The following PPP1CC variants were observed in gnomAD, a reference collection of about 807,000 sequenced individuals.
PPP1CC encodes serine/threonine-protein phosphatase PP1-gamma catalytic subunit.
PPP1CC carries 16 observed loss-of-function variants against 38.4 expected under a neutral mutation model. That is an observed-to-expected ratio of 0.42 (90% CI 0.28 to 0.63). PPP1CC has a LOEUF of 0.63. PPP1CC is among the 30% of genes least tolerant of loss of function. The pLI, the probability that PPP1CC is intolerant of heterozygous loss-of-function variation, is 0.25. For missense variants in PPP1CC, 170 were observed against 391.3 expected (o/e 0.43, Z 4.77); for synonymous variants, 158 against 136.0 (o/e 1.16, Z -1.13).
chr12:110,739,304 T>A lies in PPP1CC; in HGVS notation c.55+3349A>T, dbSNP rs1259994752. ...GCCTGGGTGACAGAGTGAGACTCTG[T>A]CTCCAAAATAAAATAAAAAAATAAA... On this transcript the variant is annotated intron_variant, in intron 1 of 6. Transcript: ENST00000335007. Among the ~76,000 whole-genome samples, 13 of 151,516 alleles carry A rather than the reference T, an allele frequency of 8.6e-5. No individual in the cohort carries two copies. The East Asian group carries it at 2.3e-3, about 27-fold the overall frequency.
At chr12:110,718,371 A>C (rs1316478128), downstream of PPP1CC, among the ~76,000 whole-genome samples, 1 of 152,232 alleles carries the variant, frequency 6.6e-6, no homozygotes, top group East Asian at 1.9e-4. Context: ...CTTGACAAAA[A>C]CAAAACCAAA....
At position 110,722,183 on chromosome 12, in the gene PPP1CC, A is replaced by G; in HGVS notation, c.834T>C (p.Asn278=). The change falls in exon 6 of 7, where the codon AAT becomes AAC. Residue 278 remains asparagine, a synonymous_variant. Coordinates refer to ENST00000335007, the MANE Select transcript of PPP1CC (RefSeq NM_002710.4). The surrounding 1 kb of genome is among the most constrained non-coding windows in gnomAD (Gnocchi z 5.4). ...SAPNYCGEFD[N]AGAMMSVDET... ...CATCCACACTCATCATGGCACCTGC[A>G]TTGTCAAACTCTCCGCAATAATTGG... 6.2e-7 allele frequency: 1 copy of G among 1,614,212 alleles called. No individual in the cohort carries two copies. Among genetic ancestry groups the G allele is most frequent in the Non-Finnish European group, 8.5e-7 (1 of 1,180,016 alleles).
rs769713759 is a variant in PPP1CC at position 110,730,512 on chromosome 12, T to TA, written c.418+16dup. ...TTAATTTCAATAACTCTTCCTTAGA[T>TA]ATAGAAAAGTACTTACATTCATCAT... On this transcript the variant is annotated intron_variant, in intron 3 of 6. Coordinates refer to ENST00000335007, the MANE Select transcript of PPP1CC (RefSeq NM_002710.4). 4.6e-6 allele frequency: 7 copies of TA among 1,522,818 alleles called. No homozygotes were observed. The highest frequency in any genetic ancestry group is 6.3e-6 in the Non-Finnish European group (7 of 1,110,836). The allele number at this position is 1,522,818 out of a possible 1,614,324, so 94.3% of individuals were successfully genotyped here.
intron 1 of PPP1CC, chr12:110,732,247 C>T: frequency 2.7e-6 from 1 of 374,924 alleles, no homozygotes; most frequent in Non-Finnish European, 4.8e-6. Context: ...ATGATGAGGT[C>T]AAGAGATCCA....
intron 3 of PPP1CC, among the ~76,000 whole-genome samples, chr12:110,727,976 C>T (rs1005927539): frequency 4.6e-5 from 7 of 152,104 alleles, no homozygotes; most frequent in African/African-American, 1.7e-4. Flanking sequence ...AAGTAGAAAC[C>T]GAAACTGATG....
chr12:110,738,922 C>T (rs958338490), intron 1 of PPP1CC, among the ~76,000 whole-genome samples: 5 of 152,182 alleles, frequency 3.3e-5, no homozygotes, highest in African/African-American at 1.2e-4. Context: ...GACCAACATA[C>T]TGATGGGAAA....
chr12:110,711,925 CAAACAACAACAACA>C, the PPP1CC span, among the ~76,000 whole-genome samples: 2 of 150,714 alleles, frequency 1.3e-5, no homozygotes, highest in Non-Finnish European at 2.9e-5. Context: ...AACTCTGTCT[CAAACAACAACAACA>C]AAACAACAAC....
the PPP1CC span, among the ~76,000 whole-genome samples, chr12:110,709,122 A>G: frequency 6.6e-6 from 1 of 152,206 alleles, no homozygotes; most frequent in Non-Finnish European, 1.5e-5. Flanking sequence ...AGAATGGCAA[A>G]ACCCCCCACA....
At chr12:110,727,631 A>T (rs1376259828) in intron 3 of PPP1CC, among the ~76,000 whole-genome samples, 1 of 152,246 alleles carries the variant, frequency 6.6e-6, no homozygotes, top group East Asian at 1.9e-4. Flanking sequence ...AAAAAAAAGA[A>T]ATGGTAGTAT....
intron 3 of PPP1CC, 97 bp downstream of exon 3, chr12:110,730,432 C>G (rs528774131): frequency 9.8e-7 from 1 of 1,022,986 alleles, no homozygotes; most frequent in South Asian, 1.6e-5. Context: ...ACCACTGCAT[C>G]TAAACTCTCA....
downstream of PPP1CC, among the ~76,000 whole-genome samples, chr12:110,715,300 A>T (rs1167157973): frequency 6.6e-6 from 1 of 152,164 alleles, no homozygotes; most frequent in Admixed American, 6.5e-5. Context: ...TGTTTGGAAC[A>T]CAAGAATGAA....
At chr12:110,709,366 T>C in the PPP1CC span, among the ~76,000 whole-genome samples, 1 of 151,904 alleles carries the variant, frequency 6.6e-6, no homozygotes, top group East Asian at 1.9e-4. Flanking sequence ...GTAGCTGGGA[T>C]TACAGGCATG....
Position 110,730,647 on chromosome 12 carries a change from T to C in PPP1CC, c.300A>G (p.Ser100=), listed in dbSNP as rs771360334. The C allele has an allele frequency of 9.3e-6, 15 of 1,614,060 alleles. No individual in the cohort carries two copies. Among genetic ancestry groups the C allele is most frequent in the Middle Eastern group, 1.6e-4 (1 of 6,084 alleles). ...LGDYVDRGKQ[S]LETICLLLAY... is the part of the protein sequence containing the mutation. ...CCAGTAAGAGGCAGATCGTCTCCAA[T>C]GACTGCTTTCCCCTGTCCACATAGT... The change falls in exon 3 of 7, where the codon TCA becomes TCG. Residue 100 remains serine (S), a synonymous_variant. Transcript: ENST00000335007.
chr12:110,741,531 T>A (rs940929383), intron 1 of PPP1CC, among the ~76,000 whole-genome samples: 1 of 152,172 alleles, frequency 6.6e-6, no homozygotes, highest in Admixed American at 6.5e-5. Context: ...CATTTCAGCT[T>A]CCGTCTTTAA....
the PPP1CC span, among the ~76,000 whole-genome samples, chr12:110,712,689 G>C: frequency 8.1e-6 from 1 of 123,654 alleles, no homozygotes; most frequent in Non-Finnish European, 1.7e-5. Flanking sequence ...AAATCCCCTT[G>C]ATGAAAAACC....
At chr12:110,737,091 A>G (rs1046262974) in intron 1 of PPP1CC, among the ~76,000 whole-genome samples, 14 of 152,260 alleles carry the variant, frequency 9.2e-5, no homozygotes, top group Admixed American at 2.6e-4. Flanking sequence ...GACTCAAACC[A>G]AAACAAAAAA....
At chr12:110,732,192 C>A in intron 1 of PPP1CC, 1 of 483,002 alleles carries the variant, frequency 2.1e-6, no homozygotes, top group Non-Finnish European at 3.7e-6. Context: ...TGCAATGGCT[C>A]ACGCTTGTAA....
In PPP1CC at chr12:110,723,846, T is replaced by G. The variant is rs375571331; in HGVS notation, c.523+814A>C. Among the ~76,000 whole-genome samples, 11 of 152,278 alleles carry G rather than the reference T, an allele frequency of 7.2e-5. No individual in the cohort carries two copies. The East Asian group carries it at 1.5e-3, about 21-fold the overall frequency. On this transcript the variant is annotated intron_variant, in intron 4 of 6. Transcript: ENST00000335007. ...TTAAAATCCAAGTCAGAGAAAGTTC[T>G]GAGAGGATAAAAAACAATCAAGGGA...
In PPP1CC at chr12:110,742,675, G is replaced by T; in HGVS notation, c.33C>A (p.Ser11Arg). The part of the protein sequence containing the change: MADLDKLNID[S>R]IIQRLLEVRG... Reference sequence around the variant, plus strand: ...TACCTTCCAGCAGCCGTTGGATAATGCTGTCGATGTTGAGTTTATCTAAAT... The same window carrying T: ...TACCTTCCAGCAGCCGTTGGATAATTCTGTCGATGTTGAGTTTATCTAAAT... Residue 11 changes from serine to arginine, a missense_variant, in exon 1 of 7, where the codon AGC (serine) becomes AGA (arginine). Ser to Arg is a moderately radical substitution (Grantham distance 110). Coordinates refer to ENST00000335007, the MANE Select transcript of PPP1CC (RefSeq NM_002710.4). 1 of 1,471,922 alleles carries T rather than the reference G, an allele frequency of 6.8e-7. No individual in the cohort carries two copies. Among genetic ancestry groups the T allele is most frequent in the East Asian group, 2.7e-5 (1 of 36,394 alleles). The allele number at this position is 1,471,922 out of a possible 1,614,324, so 91.2% of individuals were successfully genotyped here.
Sources: gnomAD v4.1 joint callset for allele counts (sites outside exome capture counted in the v4.1 genomes callset) on GRCh38, gnomAD v4.1.1 for gene constraint, Gnocchi (gnomAD v3.1) non-coding constraint, MANE v1.5 for transcripts, NCBI Gene and HGNC (gene_info 2026-07-23, HGNC 2026-07-21) for gene names.